The following MAP3K10 variants were observed in gnomAD, a reference collection of about 807,000 sequenced individuals.
The protein encoded by MAP3K10 is MKN28 derived nonreceptor_type serine/threonine kinase.
Under a neutral mutation model 75.0 loss-of-function variants are expected in MAP3K10, and 22 were observed. The ratio of observed to expected loss-of-function variants is 0.29; its 90% CI spans 0.21 to 0.42. The LOEUF (loss-of-function observed/expected upper bound fraction) is 0.42, where lower values mean the gene tolerates loss of function less well. MAP3K10 is among the 10% of genes least tolerant of loss of function. The probability of loss-of-function intolerance (pLI) is 1.00; values close to 1 mark genes in which losing one functional copy is unlikely to be tolerated. For missense variants in MAP3K10, 1,165 were observed against 1,379.8 expected (o/e 0.84, Z 2.47); for synonymous variants, 599 against 612.9 (o/e 0.98, Z 0.34).
Position 40,215,443 on chromosome 19 carries a change from T to G in MAP3K10, c.*151T>G. 5 of 707,876 alleles carry G rather than the reference T, an allele frequency of 7.1e-6. No individual in the cohort carries two copies. The highest frequency in any genetic ancestry group is 1.8e-5 in the African/African-American group (1 of 55,376). The allele number at this position is 707,876 out of a possible 1,614,324, so 43.8% of individuals were successfully genotyped here. On this transcript the variant is annotated 3_prime_UTR_variant, in exon 10 of 10. Coordinates refer to ENST00000253055, the MANE Select transcript of MAP3K10 (RefSeq NM_002446.4). ...GGGAGGGGGGGGACACTTAACTTATTCCTTTGTACCCCAGGGGGTGGAGCC... is the reference window on the plus strand; with the variant it reads ...GGGAGGGGGGGGACACTTAACTTATGCCTTTGTACCCCAGGGGGTGGAGCC...
chr19:40,207,845 T>A (rs1471775052), intron 5 of MAP3K10, among the ~76,000 whole-genome samples: 2 of 152,328 alleles, frequency 1.3e-5, no homozygotes, highest in East Asian at 3.9e-4. Flanking sequence ...GAAATCCAGA[T>A]GTATTTTATA....
At chr19:40,214,533 C>T (rs907838466) in intron 9 of MAP3K10, among the ~76,000 whole-genome samples, 6 of 152,196 alleles carry the variant, frequency 3.9e-5, no homozygotes, top group African/African-American at 1.4e-4. Context: ...GTGGGAGATG[C>T]GGCCATAGCA....
In MAP3K10 at chr19:40,213,994, C is replaced by A; in HGVS notation, c.2315C>A (p.Ala772Asp). The A allele has an allele frequency of 6.6e-7, 1 of 1,525,592 alleles. No homozygotes were observed. The highest frequency in any genetic ancestry group is 1.4e-5 in the African/African-American group (1 of 71,290). 94.5% of individuals were successfully genotyped at this position (1,525,592 alleles called of 1,614,324 possible). Reference sequence around the variant, plus strand: ...TCTGACAGTGACGAGGCCGCACCGGCCGCGCCCTCCCCACCACCCTCCCCG... The same window carrying A: ...TCTGACAGTGACGAGGCCGCACCGGACGCGCCCTCCCCACCACCCTCCCCG... The part of the protein sequence containing the change: ...LRSDSDEAAP[A>D]APSPPPSPPA... The change falls in exon 9 of 10, where the codon GCC becomes GAC. Residue 772 changes from alanine (A) to aspartate (D), a missense_variant. Transcript: ENST00000253055. This position sits in a 1 kb window ranked among gnomAD's most constrained non-coding sequence, Gnocchi z 5.7.
At position 40,213,503 on chromosome 19, in the gene MAP3K10, C is replaced by T. The variant is rs3746006; in HGVS notation, c.1838-14C>T. 493,513 of 1,609,240 alleles carry T rather than the reference C, an allele frequency of 0.31. 79,940 individuals carry two copies. The highest frequency in any genetic ancestry group is 0.46 in the South Asian group (41,338 of 90,732). On this transcript the variant is annotated splice_polypyrimidine_tract_variant and intron_variant, in intron 8 of 9. Transcript: ENST00000253055. This position sits in a 1 kb window ranked among gnomAD's most constrained non-coding sequence, Gnocchi z 5.7. ...CCAGCCCTGCAGCGGAGTGATGGCC[C>T]TCTCCGGTTGCAGAGGAGTTCGCGG... is the stretch of plus-strand genomic sequence containing the variant.
intron 1 of MAP3K10, among the ~76,000 whole-genome samples, chr19:40,194,503 T>C (rs561477770): frequency 8.6e-4 from 131 of 152,306 alleles, no homozygotes; most frequent in Admixed American, 1.6e-3. Flanking sequence ...CTGGGACTCC[T>C]CAGCCCTTCC....
intron 2 of MAP3K10, among the ~76,000 whole-genome samples, chr19:40,202,694 A>G (rs1372674967): frequency 6.6e-6 from 1 of 152,238 alleles, no homozygotes; most frequent in Non-Finnish European, 1.5e-5. Context: ...CACGCAGGCT[A>G]GAATGTGGTG....
Position 40,205,029 on chromosome 19 carries a change from A to C in MAP3K10, c.1013-92A>C. Reference sequence around the variant, plus strand: ...GCAGCTGTTTGTCTGCCATCCCCAGAAATTCTGCCTTCCTCTGAGCAGGCT... The same window carrying C: ...GCAGCTGTTTGTCTGCCATCCCCAGCAATTCTGCCTTCCTCTGAGCAGGCT... On this transcript the variant is annotated intron_variant, in intron 3 of 9. Coordinates refer to ENST00000253055, the MANE Select transcript of MAP3K10 (RefSeq NM_002446.4). This position sits in a 1 kb window ranked among gnomAD's most constrained non-coding sequence, Gnocchi z 4.3. 1 of 1,195,590 alleles carries C rather than the reference A, an allele frequency of 8.4e-7. No individual in the cohort carries two copies. The allele number at this position is 1,195,590 out of a possible 1,614,324, so 74.1% of individuals were successfully genotyped here. A position where few individuals can be genotyped will look rare whatever the true frequency, so the allele number is the denominator to read the frequency against.
chr19:40,213,247 C>G lies in MAP3K10; in HGVS notation c.1837+59C>G, dbSNP rs1423555710. 3.4e-6 allele frequency: 5 copies of G among 1,491,004 alleles called. No homozygotes were observed. In the African/African-American group the frequency reaches 7.0e-5, roughly 21 times the overall value. 92.4% of individuals were successfully genotyped at this position (1,491,004 alleles called of 1,614,324 possible). A position where few individuals can be genotyped will look rare whatever the true frequency, so the allele number is the denominator to read the frequency against. On this transcript the variant is annotated intron_variant, in intron 8 of 9. Coordinates refer to ENST00000253055, the MANE Select transcript of MAP3K10 (RefSeq NM_002446.4). This position sits in a 1 kb window ranked among gnomAD's most constrained non-coding sequence, Gnocchi z 5.7. Reference sequence around the variant, plus strand: ...TTCCCTGGCCAAAGGGGTGAGCCTCCTGGGGCTGAGCGAAGAGACCAGGTT... The same window carrying G: ...TTCCCTGGCCAAAGGGGTGAGCCTCGTGGGGCTGAGCGAAGAGACCAGGTT...
chr19:40,209,282 T>C (rs1166098086), intron 6 of MAP3K10, 63 bp downstream of exon 6: 1 of 1,297,852 alleles, frequency 7.7e-7, no homozygotes, highest in Non-Finnish European at 1.1e-6. Flanking sequence ...TTTAGCACGA[T>C]GTTTATACCT....
At position 40,215,355 on chromosome 19, in the gene MAP3K10, C is replaced by G; in HGVS notation, c.*63C>G. 1 of 1,430,746 alleles carries G rather than the reference C, an allele frequency of 7.0e-7. No individual in the cohort carries two copies. Among genetic ancestry groups the G allele is most frequent in the Non-Finnish European group, 9.4e-7 (1 of 1,061,920 alleles). The allele number at this position is 1,430,746 out of a possible 1,614,324, so 88.6% of individuals were successfully genotyped here. A position where few individuals can be genotyped will look rare whatever the true frequency, so the allele number is the denominator to read the frequency against. On this transcript the variant is annotated 3_prime_UTR_variant, in exon 10 of 10. Coordinates refer to ENST00000253055, the MANE Select transcript of MAP3K10 (RefSeq NM_002446.4). ...GTAGCGCCCCAGGCCCTGCCCCAGC[C>G]CGCCATGCCACAAGGTGGGGGAGGC... is the stretch of plus-strand genomic sequence containing the variant.
intron 2 of MAP3K10, among the ~76,000 whole-genome samples, chr19:40,201,101 C>A (rs142890062): frequency 6.6e-6 from 1 of 152,060 alleles, no homozygotes; most frequent in Non-Finnish European, 1.5e-5. Context: ...CTGTTTCTCC[C>A]CCACCTTGTA....
rs368709344 is a variant in MAP3K10, at chr19:40,214,997, G to T, written c.2570G>T (p.Arg857Leu). The T allele has an allele frequency of 1.2e-5, 16 of 1,335,674 alleles. No homozygotes were observed. In the South Asian group the frequency reaches 1.6e-4, roughly 13 times the overall value. 82.7% of individuals were successfully genotyped at this position (1,335,674 alleles called of 1,614,324 possible). ...CCTCGTGACCTTCTGGACTTCCCCC[G>T]CCTGCCCGACCCCCAGGCCCTGTTC... ...PGPRDLLDFPRLPDPQALFPA... is the reference protein window; with the variant it reads ...PGPRDLLDFPLLPDPQALFPA... Residue 857 changes from arginine to leucine, a missense_variant, in exon 10 of 10, where the codon CGC becomes CTC. Transcript: ENST00000253055.
Position 40,206,165 on chromosome 19 carries a change from C to G in MAP3K10, c.1435+8C>G, listed in dbSNP as rs1973117566. ...ACATCAGCCTGCCCTCTGGTACCCA[C>G]CCGTGTCCCCAGAGCGCCCCCCAAG... On this transcript the variant is annotated splice_region_variant and intron_variant, in intron 5 of 9. Coordinates refer to ENST00000253055, the MANE Select transcript of MAP3K10 (RefSeq NM_002446.4). 1 of 1,590,868 alleles carries G rather than the reference C, an allele frequency of 6.3e-7. No individual in the cohort carries two copies.
chr19:40,213,995 C>T lies in MAP3K10; in HGVS notation c.2316C>T (p.Ala772=). The T allele has an allele frequency of 2.0e-6, 3 of 1,526,150 alleles. No homozygotes were observed. The highest frequency in any genetic ancestry group is 2.5e-5 in the East Asian group (1 of 39,746). 94.5% of individuals were successfully genotyped at this position (1,526,150 alleles called of 1,614,324 possible). Residue 772 remains alanine, a synonymous_variant, in exon 9 of 10, where the codon GCC becomes GCT. Transcript: ENST00000253055. The surrounding 1 kb of genome is among the most constrained non-coding windows in gnomAD (Gnocchi z 5.7). ...LRSDSDEAAP[A]APSPPPSPPA... ...CTGACAGTGACGAGGCCGCACCGGC[C>T]GCGCCCTCCCCACCACCCTCCCCGC...
chr19:40,198,632 G>A lies in MAP3K10; in HGVS notation c.863+77G>A, dbSNP rs1268212050. The A allele has an allele frequency of 2.1e-6, 3 of 1,411,764 alleles. No individual in the cohort carries two copies. Among genetic ancestry groups the A allele is most frequent in the Admixed American group, 4.6e-5 (2 of 43,544 alleles). 87.5% of individuals were successfully genotyped at this position (1,411,764 alleles called of 1,614,324 possible). ...GGGGTGAGGGCAGAGTGGGAGGGAGGGTCTCCTGCTGAAGCCAGGATCTCA... is the reference window on the plus strand; with the variant it reads ...GGGGTGAGGGCAGAGTGGGAGGGAGAGTCTCCTGCTGAAGCCAGGATCTCA... On this transcript the variant is annotated intron_variant, in intron 2 of 9. Transcript: ENST00000253055. This position sits in a 1 kb window ranked among gnomAD's most constrained non-coding sequence, Gnocchi z 4.3.
intron 2 of MAP3K10, among the ~76,000 whole-genome samples, chr19:40,202,054 T>C (rs1321234449): frequency 6.6e-6 from 1 of 151,914 alleles, no homozygotes; most frequent in East Asian, 1.9e-4. Flanking sequence ...TTCTTTTTAT[T>C]TTTTGAGACG....
Position 40,198,525 on chromosome 19 carries a change from C to T in MAP3K10, c.833C>T (p.Ser278Phe), listed in dbSNP as rs372587323. 3 of 1,613,372 alleles carry T rather than the reference C, an allele frequency of 1.9e-6. No homozygotes were observed. Among genetic ancestry groups the T allele is most frequent in the Non-Finnish European group, 2.5e-6 (3 of 1,179,508 alleles). Residue 278 changes from serine (S) to phenylalanine (F), a missense_variant, in exon 2 of 10, where the codon TCC becomes TTC. Ser to Phe is a radical substitution (Grantham distance 155). This residue lies in a region of MAP3K10 where 575 missense variants were observed against 793.2 expected (regional missense o/e 0.72). Transcript: ENST00000253055. The surrounding 1 kb of genome is among the most constrained non-coding windows in gnomAD (Gnocchi z 4.3). ...ATGGCGCCGGAGGTTATCCGTCTCTCCCTCTTCTCCAAAAGCAGTGATGTC... is the reference window on the plus strand; with the variant it reads ...ATGGCGCCGGAGGTTATCCGTCTCTTCCTCTTCTCCAAAAGCAGTGATGTC... Reference protein sequence around the residue: ...AWMAPEVIRLSLFSKSSDVWS... With the variant: ...AWMAPEVIRLFLFSKSSDVWS...
Position 40,214,241 on chromosome 19 carries a change from C to A in MAP3K10, c.2542+20C>A, listed in dbSNP as rs1048137390. The A allele has an allele frequency of 2.2e-6, 3 of 1,375,136 alleles. No homozygotes were observed. The highest frequency in any genetic ancestry group is 2.8e-6 in the Non-Finnish European group (3 of 1,071,358). 85.2% of individuals were successfully genotyped at this position (1,375,136 alleles called of 1,614,324 possible). A position where few individuals can be genotyped will look rare whatever the true frequency, so the allele number is the denominator to read the frequency against. The stretch of plus-strand genomic sequence containing the variant: ...GCCCTGGTGAGTGAGGCGCCCTGCA[C>A]CCAGGTCACAGAAAACCCCTTCTTT... On this transcript the variant is annotated intron_variant, in intron 9 of 9. Coordinates refer to ENST00000253055, the MANE Select transcript of MAP3K10 (RefSeq NM_002446.4).
Position 40,214,532 on chromosome 19 carries a change from G to A in MAP3K10, c.2542+311G>A, listed in dbSNP as rs1973314042. ...TCCATCTGTTAACTGGGTGGGAGAT[G>A]CGGCCATAGCAGTGTTATTAAGTAC... On this transcript the variant is annotated intron_variant, in intron 9 of 9. Transcript: ENST00000253055. Among the ~76,000 whole-genome samples, 4 of 152,352 alleles carry A rather than the reference G, an allele frequency of 2.6e-5. No individual in the cohort carries two copies. In the South Asian group the frequency reaches 8.3e-4, roughly 32 times the overall value.
Sources: allele counts gnomAD v4.1 joint callset (sites outside exome capture counted in the v4.1 genomes callset), GRCh38; gene constraint gnomAD v4.1.1; regional missense constraint gnomAD v4.1.1; non-coding constraint Gnocchi (gnomAD v3.1); transcripts MANE v1.5; gene names NCBI Gene and HGNC (gene_info 2026-07-23, HGNC 2026-07-21).